ZNF277: variants seen among roughly 807,000 people sequenced by gnomAD.
ZNF277 encodes the protein zinc finger protein 277.
A neutral mutation model predicts 60.7 loss-of-function variants in ZNF277; 55 were observed. The ratio of observed to expected loss-of-function variants is 0.91; its 90% CI spans 0.73 to 1.13. ZNF277 has a LOEUF of 1.13. ZNF277 is among the 50% of genes most tolerant of loss of function. ZNF277 has a pLI of 0.00. For missense variants in ZNF277, 510 were observed against 523.0 expected, an observed-to-expected ratio of 0.98 and a Z score of 0.24; for synonymous variants, 178 against 179.3, an observed-to-expected ratio of 0.99 and a Z score of 0.06.
chr7:112,244,525 G>A lies in ZNF277; in HGVS notation c.91+37718G>A, dbSNP rs73424408. On this transcript the variant is annotated intron_variant, in intron 1 of 11. Coordinates refer to ENST00000361822, the MANE Select transcript of ZNF277 (RefSeq NM_021994.3). Reference sequence around the variant, plus strand: ...TAAAGCAGACCCATTGACATTCTGCGTATCAGTGACTTTTACTTCTTTAAA... The same window carrying A: ...TAAAGCAGACCCATTGACATTCTGCATATCAGTGACTTTTACTTCTTTAAA... Among the ~76,000 whole-genome samples the A allele has an allele frequency of 4.3e-3, 660 of 152,056 alleles. 2 individuals are homozygous for A. Among genetic ancestry groups the A allele is most frequent in the African/African-American group, 0.015 (620 of 41,490 alleles).
At chr7:112,314,557 G>A (rs1359968011) in intron 4 of ZNF277, among the ~76,000 whole-genome samples, 1 of 152,152 alleles carries the variant, frequency 6.6e-6, no homozygotes, top group African/African-American at 2.4e-5. Context: ...CCTTTGGGAG[G>A]CTGAGGGAGG....
intron 5 of ZNF277, among the ~76,000 whole-genome samples, chr7:112,319,801 G>A (rs1256637514): frequency 6.6e-6 from 1 of 151,316 alleles, no homozygotes; most frequent in Non-Finnish European, 1.5e-5. Flanking sequence ...GAGAAAAATC[G>A]GTGCCAAGGC....
intron 1 of ZNF277, among the ~76,000 whole-genome samples, chr7:112,229,918 G>A (rs1822277657): frequency 6.6e-6 from 1 of 152,190 alleles, no homozygotes; most frequent in South Asian, 2.1e-4. Context: ...TTGATAGAAT[G>A]AGGTGCTTGA....
chr7:112,323,898 C>T (rs1458511989), intron 5 of ZNF277, among the ~76,000 whole-genome samples: 1 of 151,808 alleles, frequency 6.6e-6, no homozygotes, highest in Non-Finnish European at 1.5e-5. Context: ...TAAACCAGGA[C>T]AAAAAATGAG....
At position 112,318,266 on chromosome 7, in the gene ZNF277, G is replaced by C. The variant is rs779331503; in HGVS notation, c.550G>C (p.Gly184Arg). Residue 184 changes from glycine to arginine, a missense_variant, in exon 5 of 12, where the codon GGA (glycine) becomes CGA (arginine). By Grantham distance (125) the Gly-to-Arg change is moderately radical (BLOSUM62 -2). Coordinates refer to ENST00000361822, the MANE Select transcript of ZNF277 (RefSeq NM_021994.3). ...TATGTTTTGCAATGAAGAATTCCTT[G>C]GAAACAGGTTTGCCATTTTGCATCT... is the stretch of plus-strand genomic sequence containing the variant. The part of the protein sequence containing the change: ...VCMFCNEEFL[G>R]NRSVILNHMA... The C allele has an allele frequency of 1.2e-6, 2 of 1,612,560 alleles. No homozygotes were observed. The highest frequency in any genetic ancestry group is 1.1e-5 in the South Asian group (1 of 90,984).
intron 1 of ZNF277, among the ~76,000 whole-genome samples, chr7:112,210,346 G>A (rs1231616755): frequency 6.6e-6 from 1 of 152,094 alleles, no homozygotes; most frequent in Non-Finnish European, 1.5e-5. Flanking sequence ...GTGGGGTGCA[G>A]GCAGGTGCAA....
At chr7:112,312,872 C>T (rs915412398) in intron 4 of ZNF277, among the ~76,000 whole-genome samples, 1 of 152,098 alleles carries the variant, frequency 6.6e-6, no homozygotes, top group African/African-American at 2.4e-5. Flanking sequence ...GAGCTTTCTT[C>T]TCCTTACTGA....
chr7:112,295,808 C>A (rs1017133336), intron 2 of ZNF277, 61 bp from the exon 3 acceptor site: 4 of 1,304,996 alleles, frequency 3.1e-6, no homozygotes, highest in Admixed American at 1.8e-5. Context: ...AGATTCCTGT[C>A]ATTCTAAAGC....
chr7:112,219,310 A>G (rs1821967341), intron 1 of ZNF277, among the ~76,000 whole-genome samples: 1 of 152,116 alleles, frequency 6.6e-6, no homozygotes, highest in Non-Finnish European at 1.5e-5. Flanking sequence ...ATGTCAAGAA[A>G]CTTTTACCCT....
At chr7:112,308,525 A>T (rs1188353072) in intron 4 of ZNF277, among the ~76,000 whole-genome samples, 1 of 151,930 alleles carries the variant, frequency 6.6e-6, no homozygotes, top group East Asian at 1.9e-4. Context: ...TTAAAAAAAA[A>T]TTGAAAAAAT....
At chr7:112,279,432 A>T (rs765339781) in intron 1 of ZNF277, among the ~76,000 whole-genome samples, 1 of 151,916 alleles carries the variant, frequency 6.6e-6, no homozygotes, top group Non-Finnish European at 1.5e-5. Flanking sequence ...TGTGGTTTTG[A>T]TTTCCCTTTC....
intron 1 of ZNF277, among the ~76,000 whole-genome samples, chr7:112,265,957 T>G (rs946128713): frequency 6.6e-6 from 1 of 152,038 alleles, no homozygotes; most frequent in Non-Finnish European, 1.5e-5. Flanking sequence ...TGGGTTCCTC[T>G]CTGTAGAAAA....
At chr7:112,335,286 C>A (rs904962928) in intron 7 of ZNF277, among the ~76,000 whole-genome samples, 1 of 152,138 alleles carries the variant, frequency 6.6e-6, no homozygotes, top group Non-Finnish European at 1.5e-5. Flanking sequence ...AATGTTCCTA[C>A]CTCTCTCTTT....
At chr7:112,295,425 T>C (rs1792301694) in intron 2 of ZNF277, among the ~76,000 whole-genome samples, 1 of 152,192 alleles carries the variant, frequency 6.6e-6, no homozygotes, top group Non-Finnish European at 1.5e-5. Flanking sequence ...TGATTTCTCA[T>C]TGCATTATTC....
intron 1 of ZNF277, among the ~76,000 whole-genome samples, chr7:112,211,435 C>G (rs574507641): frequency 2.0e-5 from 3 of 152,336 alleles, no homozygotes; most frequent in African/African-American, 7.2e-5. Flanking sequence ...CTACCTGCAT[C>G]TCCCATGCCC....
intron 6 of ZNF277, among the ~76,000 whole-genome samples, chr7:112,328,794 C>T (rs1369017181): frequency 1.3e-5 from 2 of 152,058 alleles, no homozygotes; most frequent in Non-Finnish European, 2.9e-5. Context: ...CGCTTGAACC[C>T]GGGAGGCACA....
At chr7:112,314,081 G>C (rs1234904237) in intron 4 of ZNF277, among the ~76,000 whole-genome samples, 1 of 152,028 alleles carries the variant, frequency 6.6e-6, no homozygotes, top group Non-Finnish European at 1.5e-5. Flanking sequence ...TGGTAAAAAA[G>C]GAAGTATCAC....
chr7:112,317,563 G>A (rs1200072699), intron 4 of ZNF277, among the ~76,000 whole-genome samples: 2 of 152,098 alleles, frequency 1.3e-5, no homozygotes, highest in Non-Finnish European at 2.9e-5. Flanking sequence ...ACCTTGATTA[G>A]AGCAGGATAT....
At position 112,339,863 on chromosome 7, in the gene ZNF277, T is replaced by C; in HGVS notation, c.987T>C (p.Leu329=). ...VHMEDAHEFD[L]LKIKSELGLN... is the part of the protein sequence containing the mutation. ...TTTAGGATGCACACGAATTTGATCTTCTCAAAATAAAGTCAGAACTTGGTA... is the reference window on the plus strand; with the variant it reads ...TTTAGGATGCACACGAATTTGATCTCCTCAAAATAAAGTCAGAACTTGGTA... Residue 329 remains leucine (L), a synonymous_variant, in exon 10 of 12, where the codon CTT becomes CTC. Coordinates refer to ENST00000361822, the MANE Select transcript of ZNF277 (RefSeq NM_021994.3). 1 of 1,611,752 alleles carries C rather than the reference T, an allele frequency of 6.2e-7. No homozygotes were observed. The highest frequency in any genetic ancestry group is 1.7e-5 in the Admixed American group (1 of 60,028).
Sources: gnomAD v4.1 joint callset for allele counts (sites outside exome capture counted in the v4.1 genomes callset) on GRCh38, gnomAD v4.1.1 for gene constraint, MANE v1.5 for transcripts, NCBI Gene and HGNC (gene_info 2026-07-23, HGNC 2026-07-21) for gene names.